ZNF221: variants seen among roughly 807,000 people sequenced by gnomAD.
The protein encoded by ZNF221 is zinc finger protein 221.
A neutral mutation model predicts 12.6 loss-of-function variants in ZNF221; 10 were observed. The observed-to-expected ratio is 0.79, with a 90% CI of 0.49 to 1.34. The LOEUF (loss-of-function observed/expected upper bound fraction) is 1.34. ZNF221 is among the 40% of genes most tolerant of loss of function. ZNF221 has a pLI of 0.00. For missense variants in ZNF221, 661 were observed against 721.4 expected (o/e 0.92, Z 0.96); for synonymous variants, 232 against 244.0 (o/e 0.95, Z 0.46).
chr19:43,952,343 C>T (rs566131843), intron 1 of ZNF221, among the ~76,000 whole-genome samples: 42 of 152,210 alleles, frequency 2.8e-4, no homozygotes, highest in African/African-American at 9.9e-4. Flanking sequence ...GGAGTGACTC[C>T]TTGACTACTG....
chr19:43,956,551 G>A (rs142301028), intron 1 of ZNF221, among the ~76,000 whole-genome samples: 2 of 92,244 alleles, frequency 2.2e-5, no homozygotes, highest in East Asian at 3.4e-4. Flanking sequence ...GGAGGGGATT[G>A]AGCCAAAGGA....
At chr19:43,955,259 C>T (rs933130816) in intron 1 of ZNF221, among the ~76,000 whole-genome samples, 4 of 152,124 alleles carry the variant, frequency 2.6e-5, no homozygotes, top group Admixed American at 6.5e-5. Flanking sequence ...CAGGTCCTTC[C>T]CACCAGGGAA....
rs140450908 is a variant in ZNF221, at chr19:43,962,575, G to A, written c.-2-150G>A. ...GATTTGTCTATTCATTTACCCGTAG[G>A]AGGGCATTTTGCTTGTTTGCAGTTT... On this transcript the variant is annotated intron_variant, in intron 1 of 4. Transcript: ENST00000587682. 6.1e-3 allele frequency: 4,356 copies of A among 719,516 alleles called. 35 individuals carry two copies. Among genetic ancestry groups the A allele is most frequent in the Middle Eastern group, 0.031 (135 of 4,326 alleles). 44.6% of individuals were successfully genotyped at this position (719,516 alleles called of 1,614,324 possible).
At position 43,965,304 on chromosome 19, in the gene ZNF221, A is replaced by C. The variant is rs1390545072; in HGVS notation, c.280A>C (p.Ser94Arg). The change falls in exon 4 of 5, where the codon AGC becomes CGC. Residue 94 changes from serine (S) to arginine (R), a missense_variant. Coordinates refer to ENST00000587682, the MANE Select transcript of ZNF221 (RefSeq NM_001297588.2). ...AAAGTTTTGGAAGATGAAGACAACAAGCCAAAGAGAAGGGAATTCAGGTAA... is the reference window on the plus strand; with the variant it reads ...AAAGTTTTGGAAGATGAAGACAACACGCCAAAGAGAAGGGAATTCAGGTAA... ...KEKFWKMKTTSQREGNSGGKI... is the reference protein window; with the variant it reads ...KEKFWKMKTTRQREGNSGGKI... 1 of 1,613,510 alleles carries C rather than the reference A, an allele frequency of 6.2e-7. No individual in the cohort carries two copies. The highest frequency in any genetic ancestry group is 2.2e-5 in the East Asian group (1 of 44,878).
chr19:43,976,625 T>C, the ZNF221 span, among the ~76,000 whole-genome samples: 1 of 152,210 alleles, frequency 6.6e-6, no homozygotes, highest in Non-Finnish European at 1.5e-5. Context: ...TTCTAATTGC[T>C]GTAGTTATTT....
Position 43,967,485 on chromosome 19 carries a change from T to A in ZNF221, c.*129T>A. The A allele has an allele frequency of 1.4e-6, 1 of 717,740 alleles. No homozygotes were observed. The highest frequency in any genetic ancestry group is 2.7e-5 in the East Asian group (1 of 37,528). The allele number at this position is 717,740 out of a possible 1,614,324, so 44.5% of individuals were successfully genotyped here. A position where few individuals can be genotyped will look rare whatever the true frequency, so the allele number is the denominator to read the frequency against. On this transcript the variant is annotated 3_prime_UTR_variant, in exon 5 of 5. Coordinates refer to ENST00000587682, the MANE Select transcript of ZNF221 (RefSeq NM_001297588.2). The stretch of plus-strand genomic sequence containing the variant: ...GCTTTGTACATAGATCATATCTTTT[T>A]TTTTTTTTTTTGAGACAGAGTCTCA...
chr19:43,958,484 A>G (rs1974793642), intron 1 of ZNF221, among the ~76,000 whole-genome samples: 1 of 152,176 alleles, frequency 6.6e-6, no homozygotes. Context: ...AGACATTACC[A>G]TGTCTTTTAT....
At position 43,967,149 on chromosome 19, in the gene ZNF221, T is replaced by G; in HGVS notation, c.1647T>G (p.Leu549=). 1 of 1,593,740 alleles carries G rather than the reference T, an allele frequency of 6.3e-7. No individual in the cohort carries two copies. ...CEKGYNSKFN[L]DMHQRVHGGE... is the part of the protein sequence containing the mutation. The stretch of plus-strand genomic sequence containing the variant: ...AGGGGTACAACAGTAAATTTAATCT[T>G]GACATGCACCAGAGGGTCCACGGGG... The change falls in exon 5 of 5, where the codon CTT becomes CTG. Residue 549 remains leucine (L), a synonymous_variant. Coordinates refer to ENST00000587682, the MANE Select transcript of ZNF221 (RefSeq NM_001297588.2).
At chr19:43,960,621 G>A (rs1974827689) in intron 1 of ZNF221, among the ~76,000 whole-genome samples, 1 of 152,196 alleles carries the variant, frequency 6.6e-6, no homozygotes, top group Non-Finnish European at 1.5e-5. Flanking sequence ...CAGGCCCAGG[G>A]ACCCCCTGCC....
chr19:43,965,733 T>C, intron 4 of ZNF221, 71 bp from the exon 5 acceptor site: 1 of 1,348,862 alleles, frequency 7.4e-7, no homozygotes. Context: ...TGCCATGTCC[T>C]AAGTGTGAAA....
the ZNF221 span, among the ~76,000 whole-genome samples, chr19:43,974,518 G>A: frequency 6.6e-6 from 1 of 152,040 alleles, no homozygotes; most frequent in Non-Finnish European, 1.5e-5. Context: ...CTAATATCCA[G>A]AGCCTACAAG....
At chr19:43,965,194 C>T (rs370989814) in intron 3 of ZNF221, 39 bp from the exon 4 acceptor site, 74 of 1,596,370 alleles carry the variant, frequency 4.6e-5, no homozygotes, top group Non-Finnish European at 6.2e-5. Flanking sequence ...ATATTACCTA[C>T]AATGGGTTGG....
At chr19:43,963,655 C>A (rs1974888702) in intron 2 of ZNF221, among the ~76,000 whole-genome samples, 2 of 152,176 alleles carry the variant, frequency 1.3e-5, no homozygotes, top group Admixed American at 6.5e-5. Context: ...ACTATATTTA[C>A]TCAGAGAAGC....
chr19:43,974,160 C>T, the ZNF221 span, among the ~76,000 whole-genome samples: 2 of 152,202 alleles, frequency 1.3e-5, no homozygotes, highest in African/African-American at 4.8e-5. Flanking sequence ...GAAATGATTC[C>T]CTATATAATA....
the ZNF221 span, among the ~76,000 whole-genome samples, chr19:43,979,444 TGGAAGGC>T: frequency 6.8e-6 from 1 of 146,232 alleles, no homozygotes; most frequent in African/African-American, 2.5e-5. Context: ...TATATATATA[TGGAAGGC>T]ATTTTGTAGA....
At chr19:43,971,801 C>T (rs1012820586), downstream of ZNF221, among the ~76,000 whole-genome samples, 4 of 152,150 alleles carry the variant, frequency 2.6e-5, no homozygotes, top group Admixed American at 2.0e-4. Context: ...TAGACTCCCA[C>T]ACAGTAATAG....
Position 43,966,061 on chromosome 19 carries a change from C to A in ZNF221, c.559C>A (p.Leu187Ile). Residue 187 changes from leucine to isoleucine, a missense_variant, in exon 5 of 5, where the codon CTT becomes ATT. Coordinates refer to ENST00000587682, the MANE Select transcript of ZNF221 (RefSeq NM_001297588.2). ...CTTCAGTGATGTTTCTGTCTTTGAT[C>A]TTCATCAACAATCACACTCAGGAGA... Reference protein sequence around the residue: ...QSFSDVSVFDLHQQSHSGEKS... With the variant: ...QSFSDVSVFDIHQQSHSGEKS... 10 of 1,614,208 alleles carry A rather than the reference C, an allele frequency of 6.2e-6. No individual in the cohort carries two copies. The highest frequency in any genetic ancestry group is 7.6e-6 in the Non-Finnish European group (9 of 1,180,038).
At position 43,967,337 on chromosome 19, in the gene ZNF221, G is replaced by A. The variant is rs749814191; in HGVS notation, c.1835G>A (p.Cys612Tyr). 3 of 1,611,464 alleles carry A rather than the reference G, an allele frequency of 1.9e-6. No individual in the cohort carries two copies. The highest frequency in any genetic ancestry group is 2.2e-5 in the South Asian group (2 of 90,890). The change falls in exon 5 of 5, where the codon TGT becomes TAT. Residue 612 changes from cysteine to tyrosine, a missense_variant. Cys to Tyr is a radical substitution (Grantham distance 194). Transcript: ENST00000587682. ...GCTTCATTTACATCAGTAAGTCTAT[G>A]TGGGAGAAAAGCCATATAAATGTGA... ...FTASFTSVSL[C>Y]GRKAI
Position 43,962,822 on chromosome 19 carries a change from C to T in ZNF221, c.81+15C>T. On this transcript the variant is annotated intron_variant, in intron 2 of 4. Transcript: ENST00000587682. ...CCACATTCAAAGTGAGTAGGGCTTGCCTCTCTTGCTGTTAAAATTCCATCT... is the reference window on the plus strand; with the variant it reads ...CCACATTCAAAGTGAGTAGGGCTTGTCTCTCTTGCTGTTAAAATTCCATCT... 6.2e-7 allele frequency: 1 copy of T among 1,607,132 alleles called. No individual in the cohort carries two copies. Among genetic ancestry groups the T allele is most frequent in the South Asian group, 1.1e-5 (1 of 90,596 alleles).
Sources: gnomAD v4.1 joint callset for allele counts (sites outside exome capture counted in the v4.1 genomes callset) on GRCh38, gnomAD v4.1.1 for gene constraint, MANE v1.5 for transcripts, NCBI Gene and HGNC (gene_info 2026-07-23, HGNC 2026-07-21) for gene names.